Variants in ANKRD30B observed in about 807,000 individuals in gnomAD.
ANKRD30B encodes the protein ankyrin repeat domain 30B, also known as ankyrin repeat domain-containing protein 30B.
A neutral mutation model predicts 202.2 loss-of-function variants in ANKRD30B; 144 were observed. The ratio of observed to expected loss-of-function variants is 0.71; its 90% confidence interval spans 0.62 to 0.82. The LOEUF is 0.82. ANKRD30B is among the 40% of genes least tolerant of loss of function. The pLI is 0.00. For missense variants in ANKRD30B, 1,487 were observed against 1,669.1 expected (o/e 0.89, Z 1.90); for synonymous variants, 508 against 561.3 (o/e 0.91, Z 1.34).
intron 2 of ANKRD30B, 65 bp downstream of exon 2, chr18:14,752,745 A>G: frequency 6.5e-7 from 1 of 1,538,054 alleles, no homozygotes; most frequent in Non-Finnish European, 8.8e-7. Flanking sequence ...ATAAAAATGA[A>G]TTTAGTTGAA....
chr18:14,896,890 A>G, the ANKRD30B span, among the ~76,000 whole-genome samples: 1 of 151,254 alleles, frequency 6.6e-6, no homozygotes, highest in East Asian at 1.9e-4. Context: ...ATAAATATAT[A>G]CAAAAATTCA....
At position 14,752,934 on chromosome 18, in the gene ANKRD30B, T is replaced by C. The variant is rs758899148; in HGVS notation, c.432T>C (p.His144=). The C allele has an allele frequency of 1.9e-6, 3 of 1,603,406 alleles. No individual in the cohort carries two copies. Among genetic ancestry groups the C allele is most frequent in the Admixed American group, 3.4e-5 (2 of 58,952 alleles). Residue 144 remains histidine (H), a synonymous_variant, in exon 3 of 44, where the codon CAT becomes CAC. Coordinates refer to ENST00000690538, the MANE Select transcript of ANKRD30B (RefSeq NM_001367607.2). ...YVDVYGNTAL[H]YAVYSENLLM... The stretch of plus-strand genomic sequence containing the variant: ...ATGTGTATGGCAACACGGCTCTCCA[T>C]TATGCCGTTTATAGTGAGAATTTGT...
At chr18:14,849,450 A>G (rs2143256029) in intron 40 of ANKRD30B, among the ~76,000 whole-genome samples, 1 of 151,948 alleles carries the variant, frequency 6.6e-6, no homozygotes, top group Middle Eastern at 3.4e-3. Flanking sequence ...CTTTAACTAT[A>G]CACTTTTAAT....
intron 14 of ANKRD30B, among the ~76,000 whole-genome samples, chr18:14,785,602 C>A (rs986940443): frequency 1.3e-5 from 2 of 152,134 alleles, no homozygotes; most frequent in Non-Finnish European, 2.9e-5. Context: ...TTGAACTGTG[C>A]CCCACAGCTT....
the ANKRD30B span, among the ~76,000 whole-genome samples, chr18:14,872,708 C>T: frequency 6.6e-6 from 1 of 152,050 alleles, no homozygotes; most frequent in Non-Finnish European, 1.5e-5. Context: ...TTAATGCTCC[C>T]CACACATGGA....
the ANKRD30B span, among the ~76,000 whole-genome samples, chr18:14,882,552 T>A: frequency 6.6e-6 from 1 of 152,186 alleles, no homozygotes; most frequent in Non-Finnish European, 1.5e-5. Flanking sequence ...GAAAATTCCA[T>A]GTGCTGTTGA....
chr18:14,939,810 G>A, the ANKRD30B span, among the ~76,000 whole-genome samples: 1 of 152,238 alleles, frequency 6.6e-6, no homozygotes, highest in Non-Finnish European at 1.5e-5. Flanking sequence ...CTAAAGATGA[G>A]CTCCAGATGC....
chr18:14,898,361 A>G, the ANKRD30B span, among the ~76,000 whole-genome samples: 2 of 152,056 alleles, frequency 1.3e-5, no homozygotes, highest in Non-Finnish European at 2.9e-5. Flanking sequence ...TTTCATAAGG[A>G]GCGCAAAACC....
At chr18:14,897,021 AG>A in the ANKRD30B span, among the ~76,000 whole-genome samples, 2 of 151,600 alleles carry the variant, frequency 1.3e-5, no homozygotes, top group South Asian at 4.1e-4. Flanking sequence ...GAAGTGGCCA[AG>A]GGAGGATGTG....
chr18:14,781,675 A>C (rs1163555482), intron 11 of ANKRD30B, among the ~76,000 whole-genome samples: 1 of 152,218 alleles, frequency 6.6e-6, no homozygotes, highest in African/African-American at 2.4e-5. Context: ...CCCCTGACCC[A>C]GGGAAAGATG....
At chr18:14,833,876 A>G (rs1971061321) in intron 34 of ANKRD30B, among the ~76,000 whole-genome samples, 1 of 151,776 alleles carries the variant, frequency 6.6e-6, no homozygotes, top group African/African-American at 2.4e-5. Context: ...AAAATGATTT[A>G]CCCCAGACTT....
the ANKRD30B span, among the ~76,000 whole-genome samples, chr18:14,888,292 T>C: frequency 6.6e-6 from 1 of 152,098 alleles, no homozygotes; most frequent in Non-Finnish European, 1.5e-5. Context: ...AGCCTGTAGG[T>C]CTGATATACC....
At position 14,780,001 on chromosome 18, in the gene ANKRD30B, G is replaced by A. The variant is rs1305527220; in HGVS notation, c.1462G>A (p.Glu488Lys). ...AGAATCCAAACGAGAGGAAGATGAA[G>A]AATATTCTTGGGATTCTGGGGTATT... is the stretch of plus-strand genomic sequence containing the variant. The part of the protein sequence containing the change: ...PSESKREEDE[E>K]YSWDSGSLFE... Residue 488 changes from glutamate to lysine, a missense_variant, in exon 11 of 44, where the codon GAA (glutamate) becomes AAA (lysine). Glu to Lys is a moderately conservative substitution (Grantham distance 56, BLOSUM62 1). Around this residue, in one of 6 missense-constraint regions of ANKRD30B, gnomAD observed 889 missense variants for 841.4 expected, o/e 1.06. Transcript: ENST00000690538. 1 of 1,605,130 alleles carries A rather than the reference G, an allele frequency of 6.2e-7. No individual in the cohort carries two copies. Among genetic ancestry groups the A allele is most frequent in the Non-Finnish European group, 8.5e-7 (1 of 1,174,024 alleles).
At chr18:14,754,060 C>T (rs760932746) in intron 3 of ANKRD30B, among the ~76,000 whole-genome samples, 76 of 152,024 alleles carry the variant, frequency 5.0e-4, no homozygotes, top group African/African-American at 1.4e-3. Context: ...TTCTAATAGC[C>T]GAGAAAAAAT....
chr18:14,823,699 C>G (rs375351148), intron 32 of ANKRD30B, among the ~76,000 whole-genome samples: 28 of 152,266 alleles, frequency 1.8e-4, no homozygotes, highest in Admixed American at 1.3e-3. Context: ...ACAGGCTGTG[C>G]ATGGTGGCAC....
intron 12 of ANKRD30B, 87 bp from the exon 13 acceptor site, chr18:14,784,249 G>C (rs1376235297): frequency 7.5e-7 from 1 of 1,325,560 alleles, no homozygotes; most frequent in African/African-American, 1.5e-5. Context: ...CAACCAAGAG[G>C]ACTCAGTTAG....
rs776405503 is a variant in ANKRD30B at position 14,764,099 on chromosome 18, C to A, written c.1225+9C>A. ...AAAAGCAAGTACAAATGGTAAGATG[C>A]TTGAGTGAACTTTGCAGGGTTTATT... is the stretch of plus-strand genomic sequence containing the variant. On this transcript the variant is annotated intron_variant, in intron 7 of 43. Transcript: ENST00000690538. 5 of 1,493,606 alleles carry A rather than the reference C, an allele frequency of 3.3e-6. No homozygotes were observed. Among genetic ancestry groups the A allele is most frequent in the Non-Finnish European group, 4.4e-6 (5 of 1,126,722 alleles). The allele number at this position is 1,493,606 out of a possible 1,614,324, so 92.5% of individuals were successfully genotyped here. A position where few individuals can be genotyped will look rare whatever the true frequency, so the allele number is the denominator to read the frequency against.
chr18:14,811,362 C>T lies in ANKRD30B; in HGVS notation c.2488+1182C>T, dbSNP rs924114414. 2.5e-4 allele frequency among the ~76,000 whole-genome samples: 38 copies of T among 150,946 alleles called. 1 individual carries two copies. The highest frequency in any genetic ancestry group is 8.8e-4 in the African/African-American group (36 of 40,960). On this transcript the variant is annotated intron_variant, in intron 28 of 43. Coordinates refer to ENST00000690538, the MANE Select transcript of ANKRD30B (RefSeq NM_001367607.2). ...AAGTAGCTGGGAATCCAGGCGCCCA[C>T]CACAACGCCTGGCTCATTCTTTGTA...
At chr18:14,780,201 T>C (rs866864391) in intron 11 of ANKRD30B, among the ~76,000 whole-genome samples, 180 bp downstream of exon 11, 2 of 152,142 alleles carry the variant, frequency 1.3e-5, no homozygotes, top group Non-Finnish European at 2.9e-5. Flanking sequence ...TGCCAGCATT[T>C]TGGGAGGCCT....
Sources: gnomAD v4.1 joint callset for allele counts (sites outside exome capture counted in the v4.1 genomes callset) on GRCh38, gnomAD v4.1.1 for gene constraint, gnomAD v4.1.1 regional missense constraint, MANE v1.5 for transcripts, NCBI Gene and HGNC (gene_info 2026-07-23, HGNC 2026-07-21) for gene names.